Variants in FGF14 observed in about 807,000 individuals in gnomAD.
The protein encoded by FGF14 is fibroblast growth factor 14.
A neutral mutation model predicts 25.5 loss-of-function variants in FGF14; 5 were observed. That is an observed-to-expected ratio of 0.20 (90% CI 0.10 to 0.41). The LOEUF (loss-of-function observed/expected upper bound fraction) is 0.41, where lower values mean the gene tolerates loss of function less well. FGF14 is among the 10% of genes least tolerant of loss of function. The pLI is 1.00. For synonymous variants in FGF14, 138 were observed against 118.3 expected, an observed-to-expected ratio of 1.17 and a Z score of -1.08; for missense variants, 222 against 320.1, an observed-to-expected ratio of 0.69 and a Z score of 2.34.
chr13:102,121,605 C>T (rs1446994096), intron 1 of FGF14, among the ~76,000 whole-genome samples: 1 of 152,074 alleles, frequency 6.6e-6, no homozygotes, highest in Non-Finnish European at 1.5e-5. Context: ...TAGACTTGAT[C>T]CAAGTGGAAA....
intron 1 of FGF14, among the ~76,000 whole-genome samples, chr13:102,155,089 C>T (rs1483764522): frequency 6.6e-6 from 1 of 152,142 alleles, no homozygotes; most frequent in African/African-American, 2.4e-5. Flanking sequence ...CCACTGTCAA[C>T]ATTAGACAGA....
chr13:102,092,519 C>T (rs1415280438), intron 1 of FGF14, among the ~76,000 whole-genome samples: 4 of 152,178 alleles, frequency 2.6e-5, no homozygotes, highest in African/African-American at 9.7e-5. Flanking sequence ...GAAAGGGCAT[C>T]TCCTCATGCT....
In FGF14 at chr13:101,786,045, G is replaced by A. The variant is rs865973167; in HGVS notation, c.409-59235C>T. On this transcript the variant is annotated intron_variant, in intron 3 of 4. Transcript: ENST00000376143. ...TCCAGGAGCTTGGCTGATAGAACCA[G>A]CCACTGGATGTCACCCTTTCTCTAT... 1.6e-4 allele frequency among the ~76,000 whole-genome samples: 25 copies of A among 152,270 alleles called. No individual in the cohort carries two copies. In the Middle Eastern group the frequency reaches 0.01, roughly 62 times the overall value.
intron 3 of FGF14, among the ~76,000 whole-genome samples, chr13:101,829,862 G>A (rs1426876326): frequency 1.3e-5 from 2 of 152,028 alleles, no homozygotes; most frequent in African/African-American, 4.8e-5. Context: ...TATGAGGTGG[G>A]CTCTTCACCT....
At chr13:101,995,244 G>A (rs76118220) in intron 1 of FGF14, among the ~76,000 whole-genome samples, 245 of 152,066 alleles carry the variant, frequency 1.6e-3, no homozygotes, top group African/African-American at 4.4e-3. Flanking sequence ...ATTTGCATGC[G>A]TATGTTTTAT....
At chr13:102,022,102 C>G (rs189518963) in intron 1 of FGF14, among the ~76,000 whole-genome samples, 32 of 152,176 alleles carry the variant, frequency 2.1e-4, no homozygotes, top group Non-Finnish European at 4.0e-4. Context: ...CCACAAACTT[C>G]CAGAATGCTG....
At chr13:101,901,709 AC>A (rs2031577393) in intron 1 of FGF14, among the ~76,000 whole-genome samples, 1 of 152,116 alleles carries the variant, frequency 6.6e-6, no homozygotes, top group African/African-American at 2.4e-5. Context: ...GTCTCAAAAA[AC>A]AAACAAATAA....
intron 1 of FGF14, among the ~76,000 whole-genome samples, chr13:102,079,427 GTATT>G (rs1337429906): frequency 6.6e-6 from 1 of 152,078 alleles, no homozygotes; most frequent in Non-Finnish European, 1.5e-5. Flanking sequence ...CAATAAATAT[GTATT>G]TATTTACTTT....
chr13:102,066,819 C>A (rs1254296456), intron 1 of FGF14, among the ~76,000 whole-genome samples: 2 of 152,186 alleles, frequency 1.3e-5, no homozygotes, highest in East Asian at 1.9e-4. Context: ...GAGCTCCCCC[C>A]TTTGTACCTA....
chr13:102,004,003 T>C (rs190884854), intron 1 of FGF14, among the ~76,000 whole-genome samples: 75 of 152,316 alleles, frequency 4.9e-4, no homozygotes, highest in African/African-American at 1.8e-3. Context: ...CCCAGAGAGT[T>C]ATCTCTATGT....
chr13:101,737,740 C>G (rs1037929497), intron 3 of FGF14, among the ~76,000 whole-genome samples: 3 of 151,748 alleles, frequency 2.0e-5, no homozygotes, highest in African/African-American at 7.3e-5. Flanking sequence ...CAATTCCATA[C>G]GCTTCTCTCC....
At chr13:101,956,645 C>T (rs2036531037) in intron 1 of FGF14, among the ~76,000 whole-genome samples, 1 of 151,594 alleles carries the variant, frequency 6.6e-6, no homozygotes, top group Admixed American at 6.6e-5. Context: ...TATCCACAAG[C>T]TATTTAAGTA....
chr13:101,734,688 G>A (rs1379388597), intron 3 of FGF14, among the ~76,000 whole-genome samples: 1 of 151,766 alleles, frequency 6.6e-6, no homozygotes, highest in Non-Finnish European at 1.5e-5. Context: ...TTTCTATGTT[G>A]AGCACTGCTC....
At chr13:102,244,146 T>A (rs1455729595) in intron 1 of FGF14, among the ~76,000 whole-genome samples, 1 of 152,082 alleles carries the variant, frequency 6.6e-6, no homozygotes, top group Admixed American at 6.6e-5. Flanking sequence ...TCTCCATGTG[T>A]CCTGTAAAAT....
chr13:101,808,871 A>G (rs1205969504), intron 3 of FGF14, among the ~76,000 whole-genome samples: 1 of 152,194 alleles, frequency 6.6e-6, no homozygotes, highest in African/African-American at 2.4e-5. Flanking sequence ...ATCATAAAAT[A>G]TAGTAATTTA....
intron 1 of FGF14, among the ~76,000 whole-genome samples, chr13:101,983,968 C>T (rs550949018): frequency 6.6e-6 from 1 of 152,280 alleles, no homozygotes; most frequent in East Asian, 1.9e-4. Flanking sequence ...GCTTTCCCAT[C>T]TATACTTTGG....
chr13:102,123,542 AT>A (rs1337513820), intron 1 of FGF14, among the ~76,000 whole-genome samples: 2 of 152,096 alleles, frequency 1.3e-5, no homozygotes, highest in Non-Finnish European at 1.5e-5. Flanking sequence ...TACTAAACAA[AT>A]TTTTTTGAAC....
chr13:102,280,315 C>T (rs983161745), intron 1 of FGF14, among the ~76,000 whole-genome samples: 10 of 152,138 alleles, frequency 6.6e-5, no homozygotes, highest in African/African-American at 2.4e-4. Context: ...AGAGAGAGAA[C>T]TGCCTTTGTT....
intron 3 of FGF14, chr13:101,802,114 C>A: frequency 3.9e-6 from 1 of 257,812 alleles, no homozygotes; most frequent in South Asian, 4.7e-5. Context: ...ACGATTATGA[C>A]CAGCTCAGGG....
Sources: gnomAD v4.1 joint callset for allele counts (sites outside exome capture counted in the v4.1 genomes callset) on GRCh38, gnomAD v4.1.1 for gene constraint, MANE v1.5 for transcripts, NCBI Gene and HGNC (gene_info 2026-07-23, HGNC 2026-07-21) for gene names.